Variants in ST13 observed in about 807,000 individuals in gnomAD.
ST13 encodes hsc70-interacting protein.
Under a neutral mutation model 56.7 loss-of-function variants are expected in ST13, and 23 were observed. That is an observed-to-expected ratio of 0.41 (90% CI 0.29 to 0.57). ST13 has a LOEUF of 0.57. Ranked by LOEUF, ST13 falls within the 20% of genes least tolerant of loss-of-function variation. The pLI, the probability that ST13 is intolerant of heterozygous loss-of-function variation, is 0.36. For missense variants in ST13, 369 were observed against 459.9 expected (o/e 0.80, Z 1.81); for synonymous variants, 132 against 142.4 (o/e 0.93, Z 0.52).
chr22:40,839,729 T>A (rs1462216559), intron 5 of ST13, among the ~76,000 whole-genome samples: 1 of 150,278 alleles, frequency 6.7e-6, no homozygotes. Context: ...GCCACTGCAT[T>A]CCAGCCTGGA....
chr22:40,852,767 C>T (rs955146218), intron 1 of ST13, among the ~76,000 whole-genome samples: 6 of 152,164 alleles, frequency 3.9e-5, no homozygotes, highest in Non-Finnish European at 8.8e-5. Context: ...GGCATATAGA[C>T]ACCACAAAAT....
At chr22:40,850,150 C>T (rs564202948) in intron 2 of ST13, among the ~76,000 whole-genome samples, 5 of 152,204 alleles carry the variant, frequency 3.3e-5, no homozygotes, top group African/African-American at 4.8e-5. Flanking sequence ...CCCAGATACT[C>T]GGGAGACTGA....
At chr22:40,855,008 C>T (rs7290793) in intron 1 of ST13, among the ~76,000 whole-genome samples, 8,056 of 152,184 alleles carry the variant, frequency 0.053, 300 homozygotes, top group Middle Eastern at 0.1. Context: ...AGTAGTTAGA[C>T]AATTGGTGGG....
At chr22:40,842,045 A>G (rs2057807182) in intron 4 of ST13, among the ~76,000 whole-genome samples, 1 of 152,238 alleles carries the variant, frequency 6.6e-6, no homozygotes, top group Non-Finnish European at 1.5e-5. Flanking sequence ...CCTGTCCTAC[A>G]GAAACGGACA....
At chr22:40,851,458 A>G (rs540649838) in intron 1 of ST13, among the ~76,000 whole-genome samples, 61 of 152,212 alleles carry the variant, frequency 4.0e-4, no homozygotes, top group African/African-American at 1.4e-3. Context: ...TCCTGACCCT[A>G]CAAACTCTTC....
In ST13 at chr22:40,830,900, C is replaced by T. The variant is rs747770452; in HGVS notation, c.738G>A (p.Glu246=). The T allele has an allele frequency of 1.2e-5, 19 of 1,606,236 alleles. No homozygotes were observed. The Admixed American group carries it at 3.2e-4, about 27-fold the overall frequency. The stretch of plus-strand genomic sequence containing the variant: ...TAACTCGTTCTATTCTTTCTTTGAT[C>T]TCTCGCTCTTCACGTTTTCGCTCAT... ...RKYERKREER[E]IKERIERVKK... The change falls in exon 9 of 12, where the codon GAG becomes GAA. Residue 246 remains glutamate (E), a synonymous_variant. Transcript: ENST00000216218.
At chr22:40,842,927 A>C (rs562804650) in intron 4 of ST13, among the ~76,000 whole-genome samples, 4 of 152,312 alleles carry the variant, frequency 2.6e-5, no homozygotes, top group Non-Finnish European at 4.4e-5. Flanking sequence ...CAGGAGTTTG[A>C]GATTTTGTCT....
At chr22:40,840,829 C>A (rs2057800876) in intron 4 of ST13, 137 bp from the exon 5 acceptor site, 5 of 677,428 alleles carry the variant, frequency 7.4e-6, no homozygotes, top group Non-Finnish European at 1.3e-5. Flanking sequence ...AACAAAGAGA[C>A]AATTATGATA....
intron 7 of ST13, among the ~76,000 whole-genome samples, chr22:40,832,918 T>C (rs904984776): frequency 2.0e-5 from 3 of 152,266 alleles, no homozygotes; most frequent in Non-Finnish European, 2.9e-5. Context: ...AAACAAAATC[T>C]TTCTTAATTC....
At chr22:40,833,625 T>C (rs2057764207) in intron 7 of ST13, among the ~76,000 whole-genome samples, 1 of 149,418 alleles carries the variant, frequency 6.7e-6, no homozygotes, top group African/African-American at 2.5e-5. Flanking sequence ...CCTATTATCC[T>C]AGCACTTTGG....
intron 3 of ST13, among the ~76,000 whole-genome samples, chr22:40,846,178 C>T (rs776896625): frequency 6.6e-6 from 1 of 151,816 alleles, no homozygotes; most frequent in Non-Finnish European, 1.5e-5. Flanking sequence ...TCAGGTGGTC[C>T]ACCCGCCTCA....
At chr22:40,851,624 A>C (rs1209881460) in intron 1 of ST13, among the ~76,000 whole-genome samples, 2 of 152,246 alleles carry the variant, frequency 1.3e-5, no homozygotes, top group African/African-American at 4.8e-5. Flanking sequence ...TGATAGACTT[A>C]AGAGCACTCC....
intron 1 of ST13, among the ~76,000 whole-genome samples, chr22:40,855,886 A>AC (rs1170526801): frequency 0.029 from 4,427 of 152,246 alleles, 200 homozygotes; most frequent in African/African-American, 0.1. Flanking sequence ...TAACGGAGGT[A>AC]TAATAAGTGA....
At chr22:40,826,784 G>T (rs2057730595) in intron 11 of ST13, 118 bp from the exon 12 acceptor site, 1 of 1,165,014 alleles carries the variant, frequency 8.6e-7, no homozygotes, top group Non-Finnish European at 1.2e-6. Flanking sequence ...GTTAAATGGG[G>T]TTTAGATGAG....
Position 40,832,568 on chromosome 22 carries a change from C to T in ST13, c.681+1G>A. The T allele has an allele frequency of 6.2e-7, 1 of 1,606,310 alleles. No individual in the cohort carries two copies. Among genetic ancestry groups the T allele is most frequent in the Non-Finnish European group, 8.5e-7 (1 of 1,176,678 alleles). ...CTTTCCCTTTCTCTACTTTGACATA[C>T]CCTAGGTTGAACTTCTTTCAGCATT... On this transcript the variant is annotated splice_donor_variant, in intron 8 of 11. Coordinates refer to ENST00000216218, the MANE Select transcript of ST13 (RefSeq NM_003932.5). LOFTEE classifies it high-confidence loss of function.
rs895342044 is a variant in ST13, at chr22:40,825,281, T to G, written c.*1257A>C. ...CAACTCCACAATGAATAACTGTGGA[T>G]TATCTCATTTATAATTCACATTGGA... On this transcript the variant is annotated 3_prime_UTR_variant, in exon 12 of 12. Transcript: ENST00000216218. 6.0e-4 allele frequency: 92 copies of G among 152,272 alleles called. No homozygotes were observed. Among genetic ancestry groups the G allele is most frequent in the African/African-American group, 2.1e-3 (89 of 41,570 alleles). The allele number at this position is 152,272 out of a possible 1,614,324, so 9.4% of individuals were successfully genotyped here. A position where few individuals can be genotyped will look rare whatever the true frequency, so the allele number is the denominator to read the frequency against.
chr22:40,848,422 T>C (rs1011377774), intron 2 of ST13, 53 bp from the exon 3 acceptor site: 1 of 1,184,016 alleles, frequency 8.4e-7, no homozygotes, highest in African/African-American at 1.5e-5. Context: ...ATACCGAATA[T>C]TTATACTAAT....
chr22:40,850,950 C>A (rs1400887546), intron 1 of ST13, 70 bp from the exon 2 acceptor site: 3 of 1,122,650 alleles, frequency 2.7e-6, no homozygotes, highest in Non-Finnish European at 3.9e-6. Context: ...CGTATTTACA[C>A]CTAAAAAATA....
chr22:40,855,649 C>T (rs2057887386), intron 1 of ST13, among the ~76,000 whole-genome samples: 1 of 152,158 alleles, frequency 6.6e-6, no homozygotes, highest in South Asian at 2.1e-4. Context: ...ACATAAAATG[C>T]TAATTACTAT....
Sources: allele counts gnomAD v4.1 joint callset (sites outside exome capture counted in the v4.1 genomes callset), GRCh38; gene constraint gnomAD v4.1.1; transcripts MANE v1.5; gene names NCBI Gene and HGNC (gene_info 2026-07-23, HGNC 2026-07-21).